The following KRT222 variants were observed in gnomAD, a reference collection of about 807,000 sequenced individuals.
KRT222 encodes keratin 222, also known as keratin-like protein KRT222.
In KRT222, 23 loss-of-function variants were observed where a neutral mutation model predicts 35.0. That is an observed-to-expected ratio of 0.66 (90% CI 0.47 to 0.93). The LOEUF is 0.93. KRT222 is among the 40% of genes least tolerant of loss of function. The probability of loss-of-function intolerance (pLI) is 0.00; values close to 1 mark genes in which losing one functional copy is unlikely to be tolerated. For synonymous variants in KRT222, 108 were observed against 118.8 expected, an observed-to-expected ratio of 0.91 and a Z score of 0.59; for missense variants, 339 against 346.3, an observed-to-expected ratio of 0.98 and a Z score of 0.17.
Position 40,657,502 on chromosome 17 carries a change from T to C in KRT222, c.524-15A>G, listed in dbSNP as rs1158712437. 1 of 1,564,392 alleles carries C rather than the reference T, an allele frequency of 6.4e-7. No individual in the cohort carries two copies. The highest frequency in any genetic ancestry group is 2.3e-5 in the East Asian group (1 of 44,280). Reference sequence around the variant, plus strand: ...ATTTATAATGGCTGTGAAAATATCATTTATGATATATTAAATTACAGTATT... The same window carrying C: ...ATTTATAATGGCTGTGAAAATATCACTTATGATATATTAAATTACAGTATT... On this transcript the variant is annotated splice_polypyrimidine_tract_variant and intron_variant, in intron 4 of 5. Transcript: ENST00000394052.
chr17:40,661,886 T>A, intron 2 of KRT222, 30 bp downstream of exon 2: 2 of 1,606,980 alleles, frequency 1.2e-6, no homozygotes, highest in African/African-American at 1.3e-5. Flanking sequence ...GAGGACTCGA[T>A]GGGTCGGTTA....
intron 1 of KRT222, 149 bp from the exon 2 acceptor site, chr17:40,662,193 T>C: frequency 1.2e-6 from 1 of 851,248 alleles, no homozygotes; most frequent in Non-Finnish European, 1.7e-6. Flanking sequence ...TCCTAGTGCC[T>C]AGTTAACTAA....
intron 3 of KRT222, among the ~76,000 whole-genome samples, chr17:40,658,246 A>G (rs1221110131): frequency 6.6e-6 from 1 of 151,780 alleles, no homozygotes; most frequent in Non-Finnish European, 1.5e-5. Context: ...GTGTAGCCTA[A>G]TTTTTTTAAA....
intron 3 of KRT222, among the ~76,000 whole-genome samples, chr17:40,659,165 T>G (rs1020232378): frequency 1.3e-5 from 2 of 151,314 alleles, no homozygotes; most frequent in African/African-American, 4.9e-5. Context: ...CTCTTTTTTT[T>G]TTTTTTTTGA....
In KRT222 at chr17:40,656,444, T is replaced by G. The variant is rs1469365143; in HGVS notation, c.846A>C (p.Ser282=). The change falls in exon 6 of 6, where the codon TCA becomes TCC. Residue 282 remains serine, a synonymous_variant. Transcript: ENST00000394052. ...DIEVRLIMRR[S]CSIPSIKPPS... is the part of the protein sequence containing the mutation. Reference sequence around the variant, plus strand: ...GAGGTTTGATAGAGGGAATACTGCATGATCTTCTCATGATAAGCCTGACTT... The same window carrying G: ...GAGGTTTGATAGAGGGAATACTGCAGGATCTTCTCATGATAAGCCTGACTT... 6.2e-7 allele frequency: 1 copy of G among 1,613,898 alleles called. No individual in the cohort carries two copies. The highest frequency in any genetic ancestry group is 8.5e-7 in the Non-Finnish European group (1 of 1,179,840).
chr17:40,665,025 C>T lies in KRT222; in HGVS notation c.75G>A (p.Thr25=), dbSNP rs374226375. 1.3e-5 allele frequency: 21 copies of T among 1,613,786 alleles called. No homozygotes were observed. The highest frequency in any genetic ancestry group is 1.8e-5 in the Non-Finnish European group (21 of 1,179,894). ...TTACCTGGATCCTTGTTGAGAGCAC[C>T]GTCTCTATCTGATTTCTGGTGAGGA... ...EKILTRNQIE[T]VLSTRIQLEE... is the part of the protein sequence containing the mutation. Residue 25 remains threonine (T), a synonymous_variant, in exon 1 of 6, where the codon ACG becomes ACA. Coordinates refer to ENST00000394052, the MANE Select transcript of KRT222 (RefSeq NM_152349.3).
chr17:40,660,650 T>G (rs1465913525), intron 2 of KRT222, among the ~76,000 whole-genome samples: 1 of 152,112 alleles, frequency 6.6e-6, no homozygotes, highest in Non-Finnish European at 1.5e-5. Flanking sequence ...GCAAGAGGTG[T>G]GTTTCCTTAC....
At position 40,660,284 on chromosome 17, in the gene KRT222, CTTT is replaced by C. The variant is rs35466162; in HGVS notation, c.226-80_226-78del. 5.0e-4 allele frequency: 480 copies of C among 950,962 alleles called. 2 individuals carry two copies. The highest frequency in any genetic ancestry group is 8.0e-4 in the Admixed American group (32 of 40,026). 58.9% of individuals were successfully genotyped at this position (950,962 alleles called of 1,614,324 possible). A position where few individuals can be genotyped will look rare whatever the true frequency, so the allele number is the denominator to read the frequency against. ...GAAATCTGATTTGCAATATCTTCAT[CTTT>C]TTTTTTTTTTTGAGATGGAGTCTCA... On this transcript the variant is annotated intron_variant, in intron 2 of 5. Coordinates refer to ENST00000394052, the MANE Select transcript of KRT222 (RefSeq NM_152349.3).
At chr17:40,657,919 T>C (rs537631359) in intron 3 of KRT222, among the ~76,000 whole-genome samples, 169 bp from the exon 4 acceptor site, 1 of 152,260 alleles carries the variant, frequency 6.6e-6, no homozygotes, top group South Asian at 2.1e-4. Flanking sequence ...CTAAGAATAA[T>C]ATTGAGTGAA....
In KRT222 at chr17:40,655,181, T is replaced by G. The variant is rs2037336358; in HGVS notation, c.*1221A>C. The G allele has an allele frequency of 6.6e-6, 1 of 151,228 alleles. No individual in the cohort carries two copies. Among genetic ancestry groups the G allele is most frequent in the Admixed American group, 6.6e-5 (1 of 15,168 alleles). 9.4% of individuals were successfully genotyped at this position (151,228 alleles called of 1,614,324 possible). On this transcript the variant is annotated 3_prime_UTR_variant, in exon 6 of 6. Transcript: ENST00000394052. ...GTAGCTATAGCCCTTAGATGATACT[T>G]TAGCTGGGAAAAAGTATGGTGAGTT... is the stretch of plus-strand genomic sequence containing the variant.
chr17:40,657,521 C>T (rs764956923), intron 4 of KRT222, 34 bp from the exon 5 acceptor site: 40 of 1,537,286 alleles, frequency 2.6e-5, no homozygotes, highest in Non-Finnish European at 3.4e-5. Context: ...TATTAAATTA[C>T]AGTATTGAAT....
At chr17:40,663,465 G>C (rs2037399303) in intron 1 of KRT222, among the ~76,000 whole-genome samples, 1 of 152,202 alleles carries the variant, frequency 6.6e-6, no homozygotes. Flanking sequence ...CTGTAGAAAG[G>C]CCAGATGGAG....
At position 40,661,957 on chromosome 17, in the gene KRT222, A is replaced by G; in HGVS notation, c.184T>C (p.Trp62Arg). The change falls in exon 2 of 6, where the codon TGG becomes CGG. Residue 62 changes from tryptophan to arginine, a missense_variant. By Grantham distance (101) the Trp-to-Arg change is moderately radical. Coordinates refer to ENST00000394052, the MANE Select transcript of KRT222 (RefSeq NM_152349.3). Reference sequence around the variant, plus strand: ...TCAATTTCCACTTGCAGGTGGTGCCACTGGCGTCGGGCCTCCTTGAGTTCT... The same window carrying G: ...TCAATTTCCACTTGCAGGTGGTGCCGCTGGCGTCGGGCCTCCTTGAGTTCT... Reference protein sequence around the residue: ...QAELKEARRQWHHLQVEIESL... With the variant: ...QAELKEARRQRHHLQVEIESL... 6.2e-7 allele frequency: 1 copy of G among 1,614,150 alleles called. No individual in the cohort carries two copies. Among genetic ancestry groups the G allele is most frequent in the Non-Finnish European group, 8.5e-7 (1 of 1,180,020 alleles).
At chr17:40,660,279 TTCA>T in intron 2 of KRT222, 72 bp from the exon 3 acceptor site, 1 of 1,227,800 alleles carries the variant, frequency 8.1e-7, no homozygotes, top group Non-Finnish European at 1.2e-6. Context: ...TTGCAATATC[TTCA>T]TCTTTTTTTT....
chr17:40,661,109 T>C (rs2037381216), intron 2 of KRT222, among the ~76,000 whole-genome samples: 1 of 152,014 alleles, frequency 6.6e-6, no homozygotes, highest in Non-Finnish European at 1.5e-5. Context: ...CATACCTGGC[T>C]AATTTTTTGT....
chr17:40,656,720 A>G, intron 5 of KRT222, 90 bp from the exon 6 acceptor site: 1 of 665,920 alleles, frequency 1.5e-6, no homozygotes, highest in South Asian at 2.2e-5. Flanking sequence ...GGAAAAATCA[A>G]GAAATTTGTA....
intron 2 of KRT222, among the ~76,000 whole-genome samples, chr17:40,660,807 C>T (rs1179737993): frequency 6.7e-6 from 1 of 149,158 alleles, no homozygotes; most frequent in Non-Finnish European, 1.5e-5. Flanking sequence ...TCTGAATTAT[C>T]TGATTTTTAA....
Position 40,665,160 on chromosome 17 carries a change from A to AGTCTGCTCG in KRT222, c.-70_-62dup. On this transcript the variant is annotated 5_prime_UTR_variant, in exon 1 of 6. Coordinates refer to ENST00000394052, the MANE Select transcript of KRT222 (RefSeq NM_152349.3). ...TATCGATAGGATGAGTCGCTGCGGCAGTCTGCTCGGTCTGCGCGGAAGGCA... is the reference window on the plus strand; with the variant it reads ...TATCGATAGGATGAGTCGCTGCGGCAGTCTGCTCGGTCTGCTCGGTCTGCGCGGAAGGCA... The AGTCTGCTCG allele has an allele frequency of 6.6e-7, 1 of 1,516,060 alleles. No individual in the cohort carries two copies. The highest frequency in any genetic ancestry group is 1.7e-5 in the Admixed American group (1 of 59,864). 93.9% of individuals were successfully genotyped at this position (1,516,060 alleles called of 1,614,324 possible).
Position 40,655,461 on chromosome 17 carries a change from A to G in KRT222, c.*941T>C, listed in dbSNP as rs1362176937. ...AATACCGTTATCTTAGTTCACATAA[A>G]TGATTGCAAGAAATATTTATAATAC... is the stretch of plus-strand genomic sequence containing the variant. On this transcript the variant is annotated 3_prime_UTR_variant, in exon 6 of 6. Transcript: ENST00000394052. 1.3e-5 allele frequency: 2 copies of G among 152,146 alleles called. No individual in the cohort carries two copies. Among genetic ancestry groups the G allele is most frequent in the Non-Finnish European group, 2.9e-5 (2 of 67,976 alleles). The allele number at this position is 152,146 out of a possible 1,614,324, so 9.4% of individuals were successfully genotyped here. A position where few individuals can be genotyped will look rare whatever the true frequency, so the allele number is the denominator to read the frequency against.
Sources: gnomAD v4.1 joint callset for allele counts (sites outside exome capture counted in the v4.1 genomes callset) on GRCh38, gnomAD v4.1.1 for gene constraint, MANE v1.5 for transcripts, NCBI Gene and HGNC (gene_info 2026-07-23, HGNC 2026-07-21) for gene names.